Variants in NLGN1 observed in about 807,000 individuals in gnomAD.
The protein encoded by NLGN1 is neuroligin-1.
A neutral mutation model predicts 65.5 loss-of-function variants in NLGN1; 12 were observed. The observed-to-expected ratio is 0.18, with a 90% CI of 0.12 to 0.30. The LOEUF is 0.30. NLGN1 is among the 10% of genes least tolerant of loss of function. The pLI is 1.00. For missense variants in NLGN1, 750 were observed against 1,007.1 expected, an observed-to-expected ratio of 0.74 and a Z score of 3.46; for synonymous variants, 350 against 359.5, an observed-to-expected ratio of 0.97 and a Z score of 0.30.
intron 3 of NLGN1, among the ~76,000 whole-genome samples, chr3:173,731,084 G>A (rs542363509): frequency 2.0e-5 from 3 of 151,950 alleles, no homozygotes; most frequent in Non-Finnish European, 2.9e-5. Flanking sequence ...TTTTCATTCC[G>A]ATATCATTCA....
intron 4 of NLGN1, among the ~76,000 whole-genome samples, chr3:173,834,587 A>G (rs946139718): frequency 6.6e-6 from 1 of 152,170 alleles, no homozygotes; most frequent in Non-Finnish European, 1.5e-5. Context: ...AATAATAACA[A>G]TGCTTACCAC....
chr3:173,509,400 G>A (rs960046631), intron 2 of NLGN1, among the ~76,000 whole-genome samples: 1 of 151,880 alleles, frequency 6.6e-6, no homozygotes, highest in Non-Finnish European at 1.5e-5. Context: ...TATCAAAAAT[G>A]TATTTAGTTC....
At chr3:173,530,181 C>G (rs999376163) in intron 2 of NLGN1, among the ~76,000 whole-genome samples, 9 of 152,136 alleles carry the variant, frequency 5.9e-5, no homozygotes, top group Non-Finnish European at 1.2e-4. Context: ...TTTTGAACTC[C>G]TGACCTCAAG....
intron 4 of NLGN1, among the ~76,000 whole-genome samples, chr3:174,190,131 A>T (rs2152758795): frequency 6.6e-6 from 1 of 152,274 alleles, no homozygotes; most frequent in South Asian, 2.1e-4. Context: ...TATATGACTT[A>T]GCACATATCA....
chr3:173,452,955 C>G (rs1011302046), intron 2 of NLGN1, among the ~76,000 whole-genome samples: 1 of 152,016 alleles, frequency 6.6e-6, no homozygotes, highest in Non-Finnish European at 1.5e-5. Context: ...TATTTTATTG[C>G]TAAACAGTAC....
intron 2 of NLGN1, among the ~76,000 whole-genome samples, chr3:173,469,570 T>C (rs1455781399): frequency 6.6e-6 from 1 of 151,918 alleles, no homozygotes; most frequent in Non-Finnish European, 1.5e-5. Context: ...GGATGCTAAC[T>C]GACATTTGGG....
intron 4 of NLGN1, among the ~76,000 whole-genome samples, chr3:173,989,032 G>A (rs1374731709): frequency 6.6e-6 from 1 of 152,144 alleles, no homozygotes; most frequent in Non-Finnish European, 1.5e-5. Flanking sequence ...ATTTTGATGA[G>A]TTGACACTTA....
chr3:174,091,300 A>C (rs886441790), intron 4 of NLGN1, among the ~76,000 whole-genome samples: 3 of 152,206 alleles, frequency 2.0e-5, no homozygotes, highest in Non-Finnish European at 4.4e-5. Flanking sequence ...TATTTATTCA[A>C]AAATTATAGA....
intron 4 of NLGN1, among the ~76,000 whole-genome samples, chr3:174,237,349 T>C (rs1361519905): frequency 6.6e-6 from 1 of 152,202 alleles, no homozygotes; most frequent in Non-Finnish European, 1.5e-5. Context: ...AATTTACTTA[T>C]ACTGTTAATT....
At chr3:174,043,665 T>G (rs542527780) in intron 4 of NLGN1, among the ~76,000 whole-genome samples, 1 of 152,338 alleles carries the variant, frequency 6.6e-6, no homozygotes, top group African/African-American at 2.4e-5. Flanking sequence ...CCCCTGTGGC[T>G]TTGCAGGGTA....
chr3:173,444,996 TCGC>T (rs1182614789), intron 2 of NLGN1, among the ~76,000 whole-genome samples: 35 of 149,990 alleles, frequency 2.3e-4, no homozygotes, highest in African/African-American at 6.6e-4. Flanking sequence ...CCGGGCGCGG[TCGC>T]GGCTCACGCC....
At chr3:173,942,520 G>A (rs185752220) in intron 4 of NLGN1, among the ~76,000 whole-genome samples, 271 of 152,182 alleles carry the variant, frequency 1.8e-3, no homozygotes, top group Middle Eastern at 3.4e-3. Flanking sequence ...TCAGAATAGC[G>A]CCAAAAAGAG....
intron 1 of NLGN1, among the ~76,000 whole-genome samples, chr3:173,415,941 A>G (rs62290044): frequency 0.017 from 2,286 of 138,450 alleles, 88 homozygotes; most frequent in African/African-American, 0.061. Flanking sequence ...AGAGAGAGAG[A>G]GAGCTTGGTA....
At chr3:173,560,912 T>C (rs540891412) in intron 2 of NLGN1, among the ~76,000 whole-genome samples, 120 of 152,340 alleles carry the variant, frequency 7.9e-4, no homozygotes, top group Non-Finnish European at 9.3e-4. Flanking sequence ...TGATAATAGC[T>C]ATGAAATGCT....
chr3:173,712,335 T>G (rs1234985831), intron 3 of NLGN1, among the ~76,000 whole-genome samples: 1 of 152,162 alleles, frequency 6.6e-6, no homozygotes, highest in Non-Finnish European at 1.5e-5. Flanking sequence ...AAAGGGGATT[T>G]AAATCCATGT....
At chr3:173,817,605 C>T (rs2150511549) in intron 4 of NLGN1, among the ~76,000 whole-genome samples, 1 of 152,174 alleles carries the variant, frequency 6.6e-6, no homozygotes, top group Non-Finnish European at 1.5e-5. Context: ...GTCAATCAAA[C>T]CAGCATTGTG....
At chr3:173,506,410 A>G (rs1379571552) in intron 2 of NLGN1, among the ~76,000 whole-genome samples, 1 of 152,104 alleles carries the variant, frequency 6.6e-6, no homozygotes, top group Non-Finnish European at 1.5e-5. Context: ...GGGCAAATTC[A>G]TAGTCCTTTG....
chr3:174,170,833 A>G (rs948508157), intron 4 of NLGN1, among the ~76,000 whole-genome samples: 1 of 152,216 alleles, frequency 6.6e-6, no homozygotes, highest in Non-Finnish European at 1.5e-5. Context: ...TAGTTCTTCA[A>G]TAATGTGTGC....
intron 4 of NLGN1, among the ~76,000 whole-genome samples, chr3:173,890,514 C>T (rs1286644023): frequency 6.6e-6 from 1 of 152,090 alleles, no homozygotes; most frequent in African/African-American, 2.4e-5. Flanking sequence ...TTTCCCTGAC[C>T]TCAAATGAAT....
Sources: gnomAD v4.1 joint callset for allele counts (sites outside exome capture counted in the v4.1 genomes callset) on GRCh38, gnomAD v4.1.1 for gene constraint, MANE v1.5 for transcripts, NCBI Gene and HGNC (gene_info 2026-07-23, HGNC 2026-07-21) for gene names.